Variants in SCML4 observed in about 807,000 individuals in gnomAD.
SCML4 encodes the protein sex comb on midleg-like protein 4.
A neutral mutation model predicts 41.1 loss-of-function variants in SCML4; 34 were observed. That is an observed-to-expected ratio of 0.83 (90% CI 0.63 to 1.10). The LOEUF (loss-of-function observed/expected upper bound fraction) is 1.10. Among genes scored for constraint, SCML4 ranks in the 50% least tolerant of loss-of-function variants. The pLI is 0.00. For missense variants in SCML4, 522 were observed against 534.1 expected (o/e 0.98, Z 0.22); for synonymous variants, 214 against 220.9 (o/e 0.97, Z 0.28).
At chr6:107,755,631 G>T in intron 2 of SCML4, 1 of 1,339,828 alleles carries the variant, frequency 7.5e-7, no homozygotes, top group South Asian at 1.2e-5. Context: ...CTGTTCTCTG[G>T]CAGGGCATTT....
chr6:107,792,659 G>C (rs1782421527), intron 1 of SCML4, among the ~76,000 whole-genome samples: 1 of 151,882 alleles, frequency 6.6e-6, no homozygotes, highest in East Asian at 1.9e-4. Context: ...TACAATCTGG[G>C]AGGCAGAGGT....
At chr6:107,840,646 A>C in the SCML4 span, among the ~76,000 whole-genome samples, 1 of 152,230 alleles carries the variant, frequency 6.6e-6, no homozygotes, top group African/African-American at 2.4e-5. Context: ...TTACATAGTG[A>C]TAACTGCTAC....
intron 1 of SCML4, among the ~76,000 whole-genome samples, chr6:107,821,889 T>A (rs6910909): frequency 6.6e-6 from 1 of 152,032 alleles, no homozygotes; most frequent in African/African-American, 2.4e-5. Flanking sequence ...ATAAAGGATG[T>A]GTGGACACAT....
chr6:107,816,800 T>C (rs576920195), intron 1 of SCML4, among the ~76,000 whole-genome samples: 5 of 152,394 alleles, frequency 3.3e-5, no homozygotes, highest in Admixed American at 6.5e-5. Flanking sequence ...TCAAACATAT[T>C]GTTTCAGTTG....
intron 6 of SCML4, among the ~76,000 whole-genome samples, chr6:107,717,823 C>T (rs925842477): frequency 3.9e-5 from 6 of 152,222 alleles, no homozygotes; most frequent in Middle Eastern, 3.2e-3. Flanking sequence ...GGTGGGATTG[C>T]AGGCATGAAC....
intron 2 of SCML4, among the ~76,000 whole-genome samples, chr6:107,761,208 T>C (rs1779560359): frequency 6.6e-6 from 1 of 152,158 alleles, no homozygotes; most frequent in African/African-American, 2.4e-5. Context: ...TTTCCAGAAC[T>C]GATGAAAGAT....
intron 1 of SCML4, among the ~76,000 whole-genome samples, chr6:107,781,445 A>G (rs1781488638): frequency 6.6e-6 from 1 of 152,116 alleles, no homozygotes; most frequent in Non-Finnish European, 1.5e-5. Context: ...TCAGGAGCTC[A>G]AGACCAGCCT....
intron 2 of SCML4, 109 bp from the exon 3 acceptor site, chr6:107,749,922 C>T: frequency 8.9e-7 from 1 of 1,128,914 alleles, no homozygotes; most frequent in East Asian, 2.5e-5. Flanking sequence ...CATGCTTCCA[C>T]ACCTTTCCAT....
At chr6:107,774,929 A>C (rs560334630) in intron 1 of SCML4, among the ~76,000 whole-genome samples, 12 of 152,072 alleles carry the variant, frequency 7.9e-5, no homozygotes, top group Non-Finnish European at 1.5e-5. Flanking sequence ...AGGCTGAGGC[A>C]GGTTGCAGTG....
At chr6:107,769,782 G>T (rs1273619206) in intron 2 of SCML4, among the ~76,000 whole-genome samples, 1 of 152,026 alleles carries the variant, frequency 6.6e-6, no homozygotes, top group Non-Finnish European at 1.5e-5. Flanking sequence ...CCAGTGTCCA[G>T]CTGTGTATGG....
the SCML4 span, among the ~76,000 whole-genome samples, chr6:107,843,540 A>G: frequency 0.056 from 8,530 of 152,236 alleles, 692 homozygotes; most frequent in African/African-American, 0.17. Context: ...AAAATCACCC[A>G]GGAAAACAAC....
At chr6:107,714,831 TG>T (rs1774593694) in intron 6 of SCML4, among the ~76,000 whole-genome samples, 1 of 151,996 alleles carries the variant, frequency 6.6e-6, no homozygotes, top group African/African-American at 2.4e-5. Flanking sequence ...CCAGTAGATT[TG>T]TTTTCCTAAA....
chr6:107,819,508 C>T (rs1390027508), intron 1 of SCML4, among the ~76,000 whole-genome samples: 1 of 152,312 alleles, frequency 6.6e-6, no homozygotes, highest in East Asian at 1.9e-4. Context: ...CTGCTCCACT[C>T]CTCTGCTTCT....
At chr6:107,738,769 T>C (rs1276038904) in intron 5 of SCML4, among the ~76,000 whole-genome samples, 1 of 152,168 alleles carries the variant, frequency 6.6e-6, no homozygotes, top group Admixed American at 6.5e-5. Flanking sequence ...AGGCCCTTGC[T>C]AATGCTTTGA....
At chr6:107,802,820 T>C (rs2114637669) in intron 1 of SCML4, among the ~76,000 whole-genome samples, 1 of 151,000 alleles carries the variant, frequency 6.6e-6, no homozygotes, top group Admixed American at 6.6e-5. Flanking sequence ...ACTGCTGCCA[T>C]CTCGGCTCAC....
the SCML4 span, among the ~76,000 whole-genome samples, chr6:107,832,908 G>A: frequency 6.6e-6 from 1 of 152,174 alleles, no homozygotes; most frequent in Non-Finnish European, 1.5e-5. Context: ...ATTTCTTGCA[G>A]AAACTCATGA....
intron 5 of SCML4, among the ~76,000 whole-genome samples, chr6:107,729,635 T>G (rs1776342519): frequency 6.6e-6 from 1 of 152,184 alleles, no homozygotes; most frequent in Non-Finnish European, 1.5e-5. Context: ...AATTAGCACA[T>G]CAAACAAAAT....
chr6:107,738,755 T>G (rs1345212494), intron 5 of SCML4, among the ~76,000 whole-genome samples: 2 of 152,196 alleles, frequency 1.3e-5, no homozygotes, highest in Admixed American at 6.5e-5. Context: ...CCTTCACCTC[T>G]GGGAGGCCCT....
rs371548175 is a variant in SCML4 at position 107,755,611 on chromosome 6, C to A, written c.157-5798G>T. On this transcript the variant is annotated intron_variant, in intron 2 of 7. Transcript: ENST00000369020. Reference sequence around the variant, plus strand: ...TGGGGGGGTTCTCTGCCTGTCGCAACCTATCCAAGCTGTTCTCTGGCAGGG... The same window carrying A: ...TGGGGGGGTTCTCTGCCTGTCGCAAACTATCCAAGCTGTTCTCTGGCAGGG... 3.6e-5 allele frequency: 48 copies of A among 1,346,946 alleles called. 1 individual carries two copies. In the African/African-American group the frequency reaches 5.3e-4, roughly 15 times the overall value. 83.4% of individuals were successfully genotyped at this position (1,346,946 alleles called of 1,614,324 possible). A position where few individuals can be genotyped will look rare whatever the true frequency, so the allele number is the denominator to read the frequency against.
Sources: allele counts gnomAD v4.1 joint callset (sites outside exome capture counted in the v4.1 genomes callset), GRCh38; gene constraint gnomAD v4.1.1; transcripts MANE v1.5; gene names NCBI Gene and HGNC (gene_info 2026-07-23, HGNC 2026-07-21).